Variants in SLC44A5 observed in about 807,000 individuals in gnomAD.
The protein encoded by SLC44A5 is choline transporter-like protein 5.
In SLC44A5, 57 loss-of-function variants were observed where a neutral mutation model predicts 101.8. That is an observed-to-expected ratio of 0.56 (90% CI 0.45 to 0.70). The LOEUF (loss-of-function observed/expected upper bound fraction) is 0.70, where lower values mean the gene tolerates loss of function less well. Ranked by LOEUF, SLC44A5 falls within the 30% of genes least tolerant of loss-of-function variation. SLC44A5 has a pLI of 0.00. For missense variants in SLC44A5, 737 were observed against 853.1 expected (o/e 0.86, Z 1.70); for synonymous variants, 281 against 290.9 (o/e 0.97, Z 0.35).
At chr1:75,576,599 T>C (rs1411472623) in intron 1 of SLC44A5, among the ~76,000 whole-genome samples, 1 of 152,090 alleles carries the variant, frequency 6.6e-6, no homozygotes, top group African/African-American at 2.4e-5. Flanking sequence ...ATTACAGGCG[T>C]TGAGCCACCG....
intron 3 of SLC44A5, among the ~76,000 whole-genome samples, chr1:75,385,028 T>C (rs1661204273): frequency 6.6e-6 from 1 of 152,128 alleles, no homozygotes; most frequent in Non-Finnish European, 1.5e-5. Context: ...AGACACAACA[T>C]ACCAGAATCT....
chr1:75,543,630 TATATATACACATATATATACAC>T (rs1671480714), intron 1 of SLC44A5, among the ~76,000 whole-genome samples: 1 of 144,738 alleles, frequency 6.9e-6, no homozygotes, highest in Non-Finnish European at 1.5e-5. Context: ...TATATATACG[TATATATACACATATATATACAC>T]ATATATACAC....
At chr1:75,204,023 C>T (rs933014324) in intron 23 of SLC44A5, among the ~76,000 whole-genome samples, 190 bp from the exon 24 acceptor site, 4 of 152,012 alleles carry the variant, frequency 2.6e-5, no homozygotes, top group African/African-American at 9.7e-5. Context: ...ACAATAAGCC[C>T]TTGTGATTAT....
chr1:75,298,895 A>G (rs143027368), intron 5 of SLC44A5, among the ~76,000 whole-genome samples: 1,818 of 152,318 alleles, frequency 0.012, 53 homozygotes, highest in African/African-American at 0.041. Context: ...TACTCCTCAC[A>G]ACAGCCCTGA....
intron 2 of SLC44A5, among the ~76,000 whole-genome samples, chr1:75,454,361 T>C (rs1303440415): frequency 1.3e-5 from 2 of 151,968 alleles, no homozygotes; most frequent in Non-Finnish European, 2.9e-5. Context: ...ACTTTATGAT[T>C]AAAACCCTTA....
At chr1:75,242,302 A>T (rs899285590) in intron 8 of SLC44A5, among the ~76,000 whole-genome samples, 1 of 151,972 alleles carries the variant, frequency 6.6e-6, no homozygotes, top group Non-Finnish European at 1.5e-5. Context: ...AAAACAAGGA[A>T]CACCTTTGGA....
chr1:75,522,580 G>GA (rs1448077033), intron 2 of SLC44A5, among the ~76,000 whole-genome samples: 1 of 152,018 alleles, frequency 6.6e-6, no homozygotes, highest in Admixed American at 6.5e-5. Context: ...TCCAGCACAA[G>GA]AATGTGTGAA....
At chr1:75,574,692 A>G (rs1485260423) in intron 1 of SLC44A5, among the ~76,000 whole-genome samples, 1 of 152,168 alleles carries the variant, frequency 6.6e-6, no homozygotes, top group African/African-American at 2.4e-5. Context: ...TACCATATAC[A>G]TCTCTCCTAT....
At chr1:75,306,765 T>C (rs1235958253) in intron 4 of SLC44A5, among the ~76,000 whole-genome samples, 2 of 115,872 alleles carry the variant, frequency 1.7e-5, no homozygotes, top group East Asian at 3.5e-4. Flanking sequence ...GACGGAGTCT[T>C]GCTCTGTGGC....
At chr1:75,638,803 C>A in the SLC44A5 span, among the ~76,000 whole-genome samples, 74,613 of 151,784 alleles carry the variant, frequency 0.49, 19,573 homozygotes, top group East Asian at 0.93. Flanking sequence ...TTATCCATTC[C>A]TTCATTTTCG....
intron 22 of SLC44A5, 77 bp from the exon 23 acceptor site, chr1:75,211,629 G>A (rs1646854865): frequency 9.0e-7 from 1 of 1,107,754 alleles, no homozygotes; most frequent in East Asian, 2.4e-5. Context: ...ATAAATGAAA[G>A]CCATGATGAG....
chr1:75,400,785 A>G (rs190330786), intron 2 of SLC44A5, among the ~76,000 whole-genome samples: 2 of 152,266 alleles, frequency 1.3e-5, no homozygotes, highest in East Asian at 3.9e-4. Context: ...TAGAGCTCCA[A>G]ATCTCTGACT....
At chr1:75,490,932 A>T (rs976172558) in intron 2 of SLC44A5, among the ~76,000 whole-genome samples, 6 of 146,806 alleles carry the variant, frequency 4.1e-5, no homozygotes, top group South Asian at 2.1e-4. Context: ...TACTTTTTTA[A>T]AAAAAAAAAG....
At chr1:75,441,873 G>A (rs1033841403) in intron 2 of SLC44A5, among the ~76,000 whole-genome samples, 1 of 152,044 alleles carries the variant, frequency 6.6e-6, no homozygotes, top group Non-Finnish European at 1.5e-5. Flanking sequence ...CCAGGTCAAG[G>A]ACACAAAACC....
chr1:75,408,707 G>A (rs143619736), intron 2 of SLC44A5, among the ~76,000 whole-genome samples: 2,757 of 151,966 alleles, frequency 0.018, 88 homozygotes, highest in African/African-American at 0.062. Flanking sequence ...GGGGCCTGTC[G>A]GGGGCTGGGG....
intron 2 of SLC44A5, among the ~76,000 whole-genome samples, chr1:75,424,745 G>C (rs778951529): frequency 1.6e-4 from 24 of 152,110 alleles, no homozygotes; most frequent in Non-Finnish European, 2.8e-4. Flanking sequence ...AAAATGTCAA[G>C]AGTTTTTTTT....
the SLC44A5 span, among the ~76,000 whole-genome samples, chr1:75,687,405 G>A: frequency 6.6e-6 from 1 of 152,104 alleles, no homozygotes; most frequent in Admixed American, 6.6e-5. Flanking sequence ...CTGGGTTCAT[G>A]CCATTCTCCT....
intron 2 of SLC44A5, among the ~76,000 whole-genome samples, chr1:75,405,914 G>GA (rs1662826922): frequency 6.8e-6 from 1 of 146,966 alleles, no homozygotes; most frequent in South Asian, 2.1e-4. Context: ...AAAAATCAAT[G>GA]AATCCAGGAG....
chr1:75,281,635 GGCCC>G (rs1652570107), intron 5 of SLC44A5, among the ~76,000 whole-genome samples: 1 of 28,094 alleles, frequency 3.6e-5, no homozygotes. Context: ...GCTGGTGCCA[GGCCC>G]CCCCCCCCCC....
Sources: allele counts gnomAD v4.1 joint callset (sites outside exome capture counted in the v4.1 genomes callset), GRCh38; gene constraint gnomAD v4.1.1; transcripts MANE v1.5; gene names NCBI Gene and HGNC (gene_info 2026-07-23, HGNC 2026-07-21).